MAML3: variants seen among roughly 807,000 people sequenced by gnomAD.
The protein encoded by MAML3 is mastermind-like protein 3.
MAML3 carries 27 observed loss-of-function variants against 101.9 expected under a neutral mutation model. The observed-to-expected ratio is 0.27, with a 90% CI of 0.20 to 0.37. The LOEUF (loss-of-function observed/expected upper bound fraction) is 0.37, where lower values mean the gene tolerates loss of function less well. Among genes scored for constraint, MAML3 ranks in the 10% least tolerant of loss-of-function variants. The pLI is 1.00. For missense variants in MAML3, 1,316 were observed against 1,444.9 expected (o/e 0.91, Z 1.45); for synonymous variants, 501 against 555.9 (o/e 0.90, Z 1.39).
chr4:139,912,668 C>T (rs531409064), intron 1 of MAML3, among the ~76,000 whole-genome samples: 11 of 152,336 alleles, frequency 7.2e-5, no homozygotes, highest in East Asian at 3.9e-4. Flanking sequence ...TGTGAAAACA[C>T]GAAGACATAC....
At chr4:139,910,742 G>T (rs1306975398) in intron 1 of MAML3, among the ~76,000 whole-genome samples, 1 of 152,158 alleles carries the variant, frequency 6.6e-6, no homozygotes, top group East Asian at 1.9e-4. Flanking sequence ...TTCAGGAGAA[G>T]TAAGTTCTGA....
intron 1 of MAML3, among the ~76,000 whole-genome samples, chr4:140,038,846 A>G (rs1727031257): frequency 6.6e-6 from 1 of 152,188 alleles, no homozygotes; most frequent in Admixed American, 6.5e-5. Flanking sequence ...ATACTAAGAT[A>G]AGGCCTGGGC....
chr4:139,790,339 ATCTT>A (rs1009089312), intron 2 of MAML3, among the ~76,000 whole-genome samples: 2 of 149,370 alleles, frequency 1.3e-5, no homozygotes, highest in East Asian at 2.0e-4. Context: ...TTCCTGAGTA[ATCTT>A]TCTTTTTTTG....
intron 1 of MAML3, among the ~76,000 whole-genome samples, chr4:140,048,367 T>TC: frequency 6.6e-6 from 1 of 152,164 alleles, no homozygotes; most frequent in African/African-American, 2.4e-5. Flanking sequence ...GACCAAATAA[T>TC]AAAGCCATCT....
intron 2 of MAML3, among the ~76,000 whole-genome samples, chr4:139,832,534 G>A (rs1173885897): frequency 6.6e-6 from 1 of 152,142 alleles, no homozygotes; most frequent in Non-Finnish European, 1.5e-5. Flanking sequence ...TATAAAAAGT[G>A]AAGCACCGTC....
At chr4:139,728,075 C>T (rs570485467) in intron 3 of MAML3, among the ~76,000 whole-genome samples, 3 of 152,174 alleles carry the variant, frequency 2.0e-5, no homozygotes, top group Admixed American at 6.5e-5. Flanking sequence ...ATTAGCCAGG[C>T]GTGATGGTGT....
chr4:140,096,201 G>A (rs972400932), intron 1 of MAML3, among the ~76,000 whole-genome samples: 5 of 152,268 alleles, frequency 3.3e-5, no homozygotes, highest in African/African-American at 7.2e-5. Context: ...AGCAACTTAC[G>A]CACTTTGGGG....
At chr4:140,011,233 C>CATATAT (rs70943468) in intron 1 of MAML3, among the ~76,000 whole-genome samples, 12,536 of 119,708 alleles carry the variant, frequency 0.1, 1,246 homozygotes, top group East Asian at 0.41. Flanking sequence ...ATAAAGTGTG[C>CATATAT]ATATATATAT....
intron 1 of MAML3, among the ~76,000 whole-genome samples, chr4:140,117,662 T>TATAC (rs1491180054): frequency 7.9e-5 from 12 of 151,548 alleles, no homozygotes; most frequent in South Asian, 2.1e-4. Flanking sequence ...TATATATATA[T>TATAC]ACACATATAT....
chr4:140,084,585 A>T (rs539547313), intron 1 of MAML3, among the ~76,000 whole-genome samples: 6 of 151,900 alleles, frequency 3.9e-5, no homozygotes, highest in African/African-American at 1.4e-4. Context: ...TTTCCCCATT[A>T]CCTCCTTTCC....
At chr4:139,739,930 A>G (rs1187272171) in intron 2 of MAML3, among the ~76,000 whole-genome samples, 1 of 152,174 alleles carries the variant, frequency 6.6e-6, no homozygotes, top group African/African-American at 2.4e-5. Context: ...GGCCCAGGTT[A>G]TGTCTGGGAC....
intron 2 of MAML3, among the ~76,000 whole-genome samples, chr4:139,765,491 T>C (rs907320): frequency 0.25 from 37,701 of 152,180 alleles, 4,989 homozygotes; most frequent in East Asian, 0.47. Context: ...GTTAAAGAAA[T>C]ATCACATAGG....
intron 2 of MAML3, among the ~76,000 whole-genome samples, chr4:139,741,750 A>C (rs1472361148): frequency 1.3e-5 from 2 of 152,226 alleles, no homozygotes; most frequent in Non-Finnish European, 2.9e-5. Context: ...CTGTCTCAAA[A>C]AAAATTCTGC....
chr4:139,808,484 C>T (rs1730738303), intron 2 of MAML3, among the ~76,000 whole-genome samples: 1 of 152,192 alleles, frequency 6.6e-6, no homozygotes, highest in Admixed American at 6.5e-5. Flanking sequence ...GAGTTCGGTC[C>T]TTAGTGAACT....
intron 1 of MAML3, among the ~76,000 whole-genome samples, chr4:139,952,971 A>T (rs183389101): frequency 6.6e-6 from 1 of 152,352 alleles, no homozygotes; most frequent in East Asian, 1.9e-4. Context: ...GACAGAGAAA[A>T]AAACTCATAT....
intron 1 of MAML3, among the ~76,000 whole-genome samples, chr4:139,996,037 TG>T (rs1394032786): frequency 6.6e-6 from 1 of 152,178 alleles, no homozygotes; most frequent in African/African-American, 2.4e-5. Flanking sequence ...CTTTTACTCA[TG>T]GGTTATTCAG....
chr4:139,897,299 T>C (rs1411832647), intron 1 of MAML3, among the ~76,000 whole-genome samples: 1 of 152,168 alleles, frequency 6.6e-6, no homozygotes, highest in Non-Finnish European at 1.5e-5. Context: ...GCAGTGTGTC[T>C]GAAATTACAG....
chr4:139,907,756 A>T (rs888679075), intron 1 of MAML3, among the ~76,000 whole-genome samples: 5 of 152,132 alleles, frequency 3.3e-5, no homozygotes, highest in African/African-American at 1.2e-4. Context: ...CATGCATAAC[A>T]CTTGTCTGAC....
At chr4:140,000,315 C>A (rs1238957708) in intron 1 of MAML3, among the ~76,000 whole-genome samples, 4 of 151,870 alleles carry the variant, frequency 2.6e-5, no homozygotes, top group African/African-American at 9.7e-5. Flanking sequence ...TCCATAACCT[C>A]TATTCCCCTA....
Sources: allele counts gnomAD v4.1 joint callset (sites outside exome capture counted in the v4.1 genomes callset), GRCh38; gene constraint gnomAD v4.1.1; transcripts MANE v1.5; gene names NCBI Gene and HGNC (gene_info 2026-07-23, HGNC 2026-07-21).